The following TMEM254 variants were observed in gnomAD, a reference collection of about 807,000 sequenced individuals.
The protein encoded by TMEM254 is transmembrane protein 254, also known as transmembrane protein C10orf57.
A neutral mutation model predicts 13.9 loss-of-function variants in TMEM254; 16 were observed. The observed-to-expected ratio is 1.15, with a 90% CI of 0.78 to 1.75. TMEM254 has a LOEUF of 1.75. TMEM254 is among the 40% of genes most tolerant of loss of function. TMEM254 has a pLI of 0.00. For missense variants in TMEM254, 155 were observed against 149.0 expected, an observed-to-expected ratio of 1.04 and a Z score of -0.21; for synonymous variants, 61 against 56.4, an observed-to-expected ratio of 1.08 and a Z score of -0.36.
rs933565338 is a variant in TMEM254 at position 80,079,061 on chromosome 10, C to T, written c.87+275C>T. The T allele has an allele frequency of 3.3e-5, 48 of 1,469,356 alleles. No homozygotes were observed. The Admixed American group carries it at 8.7e-4, about 27-fold the overall frequency. The allele number at this position is 1,469,356 out of a possible 1,614,324, so 91.0% of individuals were successfully genotyped here. On this transcript the variant is annotated intron_variant, in intron 1 of 3. Coordinates refer to ENST00000372281, the MANE Select transcript of TMEM254 (RefSeq NM_025125.4). The stretch of plus-strand genomic sequence containing the variant: ...GGACGGCTGGGGAGCTCCCAGCCAA[C>T]TCTGTGTCTGGGTTTTTCAAGAGGA...
chr10:80,082,494 G>A (rs1844091478), intron 3 of TMEM254, among the ~76,000 whole-genome samples: 2 of 152,146 alleles, frequency 1.3e-5, no homozygotes, highest in Non-Finnish European at 1.5e-5. Flanking sequence ...CAAAAGACTA[G>A]GAATAGGAGC....
chr10:80,080,084 T>C (rs900651359), intron 1 of TMEM254, among the ~76,000 whole-genome samples: 5 of 152,236 alleles, frequency 3.3e-5, no homozygotes, highest in African/African-American at 1.2e-4. Flanking sequence ...GGTGTTGAAC[T>C]GAAAATTTTC....
intron 1 of TMEM254, chr10:80,079,326 G>A (rs1843838111): frequency 8.4e-7 from 1 of 1,197,418 alleles, no homozygotes; most frequent in Admixed American, 3.7e-5. Flanking sequence ...AAATTCGGTG[G>A]GCTCTTAGGA....
rs529106041 is a variant in TMEM254 at position 80,079,565 on chromosome 10, A to G, written c.87+779A>G. The G allele has an allele frequency of 1.9e-5, 19 of 1,005,604 alleles. No homozygotes were observed. The African/African-American group carries it at 3.1e-4, about 17-fold the overall frequency. 62.3% of individuals were successfully genotyped at this position (1,005,604 alleles called of 1,614,324 possible). ...GGTAGGATTTAAGTGGTAAGGGAGG[A>G]TAAAGAGGCTATAACTGTTCTGACA... On this transcript the variant is annotated intron_variant, in intron 1 of 3. Transcript: ENST00000372281.
intron 1 of TMEM254, chr10:80,079,593 G>A: frequency 1.0e-6 from 1 of 988,476 alleles, no homozygotes; most frequent in Non-Finnish European, 1.2e-6. Context: ...TTCTGACATA[G>A]GTGTGGAAGC....
intron 1 of TMEM254, chr10:80,079,029 G>A: frequency 1.3e-6 from 2 of 1,517,866 alleles, no homozygotes; most frequent in Non-Finnish European, 1.8e-6. Context: ...TTCTTATATG[G>A]GGGCGGGGAC....
At chr10:80,081,142 T>C (rs1367325712) in intron 1 of TMEM254, among the ~76,000 whole-genome samples, 1 of 152,064 alleles carries the variant, frequency 6.6e-6, no homozygotes, top group Admixed American at 6.6e-5. Flanking sequence ...TCCAGCTACT[T>C]GGGGAAGCTG....
intron 1 of TMEM254, among the ~76,000 whole-genome samples, chr10:80,080,112 C>T (rs1843906550): frequency 6.6e-6 from 1 of 152,146 alleles, no homozygotes; most frequent in Admixed American, 6.5e-5. Context: ...CATTTCTGTT[C>T]TACGATTTAG....
Position 80,078,801 on chromosome 10 carries a change from T to G in TMEM254, c.87+15T>G. The G allele has an allele frequency of 4.4e-6, 7 of 1,590,150 alleles. No individual in the cohort carries two copies. Among genetic ancestry groups the G allele is most frequent in the African/African-American group, 1.3e-5 (1 of 74,506 alleles). On this transcript the variant is annotated intron_variant, in intron 1 of 3. Coordinates refer to ENST00000372281, the MANE Select transcript of TMEM254 (RefSeq NM_025125.4). ...GCTACTACACAGTAAGGACAGCCGC[T>G]GGAGCGCTACGGTCTGACGAACGAG...
intron 3 of TMEM254, chr10:80,090,522 A>G (rs1589391098): frequency 1.4e-6 from 1 of 702,516 alleles, no homozygotes; most frequent in Admixed American, 2.1e-5. Flanking sequence ...TCCGCTCATC[A>G]GAATCACATG....
intron 1 of TMEM254, 70 bp from the exon 2 acceptor site, chr10:80,081,771 T>TCAAAAA: frequency 6.2e-7 from 1 of 1,609,596 alleles, no homozygotes; most frequent in Admixed American, 1.7e-5. Context: ...ACAGCCTTTC[T>TCAAAAA]CAAAAACAAA....
At position 80,091,030 on chromosome 10, in the gene TMEM254, C is replaced by T; in HGVS notation, c.*113C>T. On this transcript the variant is annotated 3_prime_UTR_variant, in exon 4 of 4. Coordinates refer to ENST00000372281, the MANE Select transcript of TMEM254 (RefSeq NM_025125.4). ...ATCTTTCTACTTTCTAGAAACTGTC[C>T]TTCAAAGCTCTTTAAGACCCCCTCG... 2 of 1,401,708 alleles carry T rather than the reference C, an allele frequency of 1.4e-6. No individual in the cohort carries two copies. The highest frequency in any genetic ancestry group is 2.3e-5 in the East Asian group (1 of 42,554). The allele number at this position is 1,401,708 out of a possible 1,614,324, so 86.8% of individuals were successfully genotyped here.
intron 1 of TMEM254, 180 bp from the exon 2 acceptor site, chr10:80,081,661 C>G (rs1226381616): frequency 1.3e-6 from 2 of 1,522,078 alleles, no homozygotes. Context: ...GAGTGAGACC[C>G]TGTCAAAAAA....
chr10:80,083,105 CTTTT>C (rs57014602), intron 3 of TMEM254, among the ~76,000 whole-genome samples: 4 of 106,372 alleles, frequency 3.8e-5, no homozygotes, highest in African/African-American at 1.5e-4. Flanking sequence ...ATAAGCTAGA[CTTTT>C]TTTTTTTTTT....
At chr10:80,083,801 G>A (rs12245912) in intron 3 of TMEM254, among the ~76,000 whole-genome samples, 1,633 of 152,218 alleles carry the variant, frequency 0.011, 31 homozygotes, top group African/African-American at 0.038. Context: ...TGCTGGCCAG[G>A]TGCAGTGGCT....
rs375464545 is a variant in TMEM254, at chr10:80,090,853, T to A, written c.308T>A (p.Phe103Tyr). Residue 103 changes from phenylalanine (F) to tyrosine (Y), a missense_variant, in exon 4 of 4, where the codon TTC (phenylalanine) becomes TAC (tyrosine). Transcript: ENST00000372281. ...AQLLWFLQTF[F>Y]FGIASLTILI... ...CTACTCTGGTTCCTACAGACTTTCTTCTTTGGGATAGCGTCTCTCACCATC... is the reference window on the plus strand; with the variant it reads ...CTACTCTGGTTCCTACAGACTTTCTACTTTGGGATAGCGTCTCTCACCATC... 5 of 1,614,050 alleles carry A rather than the reference T, an allele frequency of 3.1e-6. No individual in the cohort carries two copies. The Admixed American group carries it at 8.3e-5, about 27-fold the overall frequency.
intron 1 of TMEM254, among the ~76,000 whole-genome samples, chr10:80,080,974 G>C (rs768656553): frequency 2.0e-5 from 3 of 152,234 alleles, no homozygotes; most frequent in Non-Finnish European, 4.4e-5. Flanking sequence ...CAGCTACTCT[G>C]GAGGCTGAGA....
rs1564574992 is a variant in TMEM254 at position 80,090,790 on chromosome 10, G to A, written c.252-7G>A. On this transcript the variant is annotated splice_polypyrimidine_tract_variant and splice_region_variant and intron_variant, in intron 3 of 3. Transcript: ENST00000372281. ...CTCGTGTTTAAATTTTGTTTTTTCT[G>A]TTTTAGGCATAAAGGCATCACAAGT... 1 of 1,607,734 alleles carries A rather than the reference G, an allele frequency of 6.2e-7. No homozygotes were observed. The highest frequency in any genetic ancestry group is 8.5e-7 in the Non-Finnish European group (1 of 1,178,562).
intron 3 of TMEM254, among the ~76,000 whole-genome samples, chr10:80,082,735 C>T (rs1015825267): frequency 1.3e-5 from 2 of 152,090 alleles, no homozygotes; most frequent in Non-Finnish European, 2.9e-5. Flanking sequence ...CAAACCAGAC[C>T]CCACTCAGGA....
Sources: allele counts gnomAD v4.1 joint callset (sites outside exome capture counted in the v4.1 genomes callset), GRCh38; gene constraint gnomAD v4.1.1; transcripts MANE v1.5; gene names NCBI Gene and HGNC (gene_info 2026-07-23, HGNC 2026-07-21).